The following ZNF783 variants were observed in gnomAD, a reference collection of about 807,000 sequenced individuals.
ZNF783 encodes the protein protein ZNF783.
ZNF783 carries 25 observed loss-of-function variants against 31.3 expected under a neutral mutation model. The observed-to-expected ratio is 0.80, with a 90% CI of 0.58 to 1.11. The LOEUF is 1.11. ZNF783 is among the 50% of genes most tolerant of loss of function. The pLI is 0.00. For synonymous variants in ZNF783, 369 were observed against 319.1 expected (o/e 1.16, Z -1.66); for missense variants, 797 against 760.0 (o/e 1.05, Z -0.57).
intron 1 of ZNF783, among the ~76,000 whole-genome samples, chr7:149,263,304 GTATATATATA>G (rs59725451): frequency 1.6e-5 from 1 of 64,292 alleles, no homozygotes; most frequent in African/African-American, 6.3e-5. Flanking sequence ...GTGTGTGTGT[GTATATATATA>G]TATATATATA....
Position 149,262,280 on chromosome 7 carries a change from G to A in ZNF783, c.-54G>A, listed in dbSNP as rs944999799. On this transcript the variant is annotated 5_prime_UTR_variant, in exon 1 of 6. Transcript: ENST00000434415. Reference sequence around the variant, plus strand: ...TCCGCCGTCGCTGCCGCGCCGCCCCGGGCCCGACAGGCCGGGTCCAGGGAC... The same window carrying A: ...TCCGCCGTCGCTGCCGCGCCGCCCCAGGCCCGACAGGCCGGGTCCAGGGAC... The A allele has an allele frequency of 3.0e-6, 4 of 1,331,320 alleles. No homozygotes were observed. The highest frequency in any genetic ancestry group is 3.5e-5 in the Admixed American group (1 of 28,934). The allele number at this position is 1,331,320 out of a possible 1,614,324, so 82.5% of individuals were successfully genotyped here. A position where few individuals can be genotyped will look rare whatever the true frequency, so the allele number is the denominator to read the frequency against.
At chr7:149,276,585 G>T (rs964885865) in intron 4 of ZNF783, 1 of 985,386 alleles carries the variant, frequency 1.0e-6, no homozygotes, top group Non-Finnish European at 1.2e-6. Flanking sequence ...CTTCTAGCTG[G>T]TTTTACCTCT....
intron 5 of ZNF783, 45 bp from the exon 6 acceptor site, chr7:149,281,460 G>C (rs1197508438): frequency 7.1e-7 from 1 of 1,415,736 alleles, no homozygotes; most frequent in Non-Finnish European, 9.2e-7. Context: ...CTGGGGGACA[G>C]GGTGGTGAGG....
chr7:149,270,100 T>G (rs1797176009), intron 4 of ZNF783, among the ~76,000 whole-genome samples: 1 of 152,224 alleles, frequency 6.6e-6, no homozygotes, highest in Admixed American at 6.5e-5. Flanking sequence ...TTCCAAGTGT[T>G]TGCTATTGTG....
At chr7:149,264,665 G>T (rs1477713709) in intron 1 of ZNF783, among the ~76,000 whole-genome samples, 1 of 152,138 alleles carries the variant, frequency 6.6e-6, no homozygotes, top group Non-Finnish European at 1.5e-5. Context: ...ACAAGGTCAG[G>T]AGTTTGAGAC....
chr7:149,264,372 C>G (rs1286003997), intron 1 of ZNF783, among the ~76,000 whole-genome samples: 1 of 152,082 alleles, frequency 6.6e-6, no homozygotes, highest in Admixed American at 6.6e-5. Flanking sequence ...ATATTGAGAG[C>G]TGATGTGAAG....
Position 149,266,323 on chromosome 7 carries a change from T to C in ZNF783, c.25-12T>C. ...TTCTCATAACATCTCTCTTTTCTCT[T>C]CTTGTGAGCAGGACCCCGAGACAGA... On this transcript the variant is annotated splice_polypyrimidine_tract_variant and intron_variant, in intron 1 of 5. Transcript: ENST00000434415. The C allele has an allele frequency of 6.5e-7, 1 of 1,540,526 alleles. No homozygotes were observed. Among genetic ancestry groups the C allele is most frequent in the Non-Finnish European group, 8.7e-7 (1 of 1,153,722 alleles).
chr7:149,274,547 G>T (rs908114920), intron 4 of ZNF783, among the ~76,000 whole-genome samples: 1 of 152,090 alleles, frequency 6.6e-6, no homozygotes, highest in Non-Finnish European at 1.5e-5. Context: ...TGTATTTTTA[G>T]TAGAGACGGA....
chr7:149,264,133 T>C (rs1042844603), intron 1 of ZNF783, among the ~76,000 whole-genome samples: 2 of 152,194 alleles, frequency 1.3e-5, no homozygotes, highest in African/African-American at 4.8e-5. Flanking sequence ...TGTTGTTGTT[T>C]ATAAGTATTC....
At chr7:149,278,566 C>A in intron 5 of ZNF783, 39 bp downstream of exon 5, 1 of 1,597,826 alleles carries the variant, frequency 6.3e-7, no homozygotes, top group Non-Finnish European at 8.5e-7. Flanking sequence ...GAACAGTGTC[C>A]CGAGGCAGCA....
intron 5 of ZNF783, among the ~76,000 whole-genome samples, chr7:149,280,373 G>A (rs1447947828): frequency 6.6e-6 from 1 of 152,122 alleles, no homozygotes; most frequent in Non-Finnish European, 1.5e-5. Flanking sequence ...AGGCACCTGT[G>A]GCCGCAGCAG....
In ZNF783 at chr7:149,282,158, C is replaced by T. The variant is rs993417568; in HGVS notation, c.1456C>T (p.Arg486Cys). Residue 486 changes from arginine to cysteine, a missense_variant, in exon 6 of 6, where the codon CGC (arginine) becomes TGC (cysteine). By Grantham distance (180) the Arg-to-Cys change is radical (BLOSUM62 -3). Coordinates refer to ENST00000434415, the MANE Select transcript of ZNF783 (RefSeq NM_001195220.2). ...GCCCTCGGACCTCTTCCGGCACCAG[C>T]GCATCCACACCGGTGAGCGGCCCTA... ...RRPSDLFRHQ[R>C]IHTGERPYQC... The T allele has an allele frequency of 3.1e-6, 5 of 1,600,904 alleles. No individual in the cohort carries two copies. The highest frequency in any genetic ancestry group is 1.7e-5 in the Admixed American group (1 of 59,988).
intron 1 of ZNF783, among the ~76,000 whole-genome samples, chr7:149,264,925 C>T (rs1313317914): frequency 5.5e-5 from 7 of 127,540 alleles, no homozygotes; most frequent in Admixed American, 3.6e-4. Flanking sequence ...AGTGTATTGT[C>T]GGGGAGAAGC....
intron 4 of ZNF783, chr7:149,278,158 G>C (rs1797376569): frequency 7.8e-7 from 1 of 1,283,108 alleles, no homozygotes; most frequent in East Asian, 3.6e-5. Flanking sequence ...CCTGCCTGGC[G>C]ATCATTACCG....
chr7:149,272,885 C>T (rs1289676394), intron 4 of ZNF783, among the ~76,000 whole-genome samples: 2 of 151,678 alleles, frequency 1.3e-5, no homozygotes, highest in East Asian at 1.9e-4. Context: ...TACTTCCCCC[C>T]TCGCACCTTC....
Position 149,281,889 on chromosome 7 carries a change from C to G in ZNF783, c.1187C>G (p.Pro396Arg), listed in dbSNP as rs760800047. Residue 396 changes from proline (P) to arginine (R), a missense_variant, in exon 6 of 6, where the codon CCG becomes CGG. Transcript: ENST00000434415. ...GGGGACAGCCAGGCCATGCTGGAGCCGGGGGAGGTGGTGGTACCCGGCCCT... is the reference window on the plus strand; with the variant it reads ...GGGGACAGCCAGGCCATGCTGGAGCGGGGGGAGGTGGTGGTACCCGGCCCT... ...SCGDSQAMLE[P>R]GEVVVPGPVI... 1.3e-4 allele frequency: 197 copies of G among 1,511,326 alleles called. No individual in the cohort carries two copies. Among genetic ancestry groups the G allele is most frequent in the Non-Finnish European group, 1.7e-4 (191 of 1,136,150 alleles). The allele number at this position is 1,511,326 out of a possible 1,614,324, so 93.6% of individuals were successfully genotyped here.
chr7:149,278,200 AG>A, intron 4 of ZNF783, 198 bp from the exon 5 acceptor site: 1 of 1,376,646 alleles, frequency 7.3e-7, no homozygotes, highest in Non-Finnish European at 9.4e-7. Context: ...CCTGTGCTGC[AG>A]TTTCCTTCTG....
At chr7:149,264,426 G>A (rs1012111118) in intron 1 of ZNF783, among the ~76,000 whole-genome samples, 1 of 152,196 alleles carries the variant, frequency 6.6e-6, no homozygotes, top group Non-Finnish European at 1.5e-5. Flanking sequence ...CAGGAGGCTG[G>A]CATGGCTGGA....
chr7:149,272,198 A>G (rs1336193375), intron 4 of ZNF783, among the ~76,000 whole-genome samples: 1 of 152,086 alleles, frequency 6.6e-6, no homozygotes, highest in Non-Finnish European at 1.5e-5. Context: ...TCGTATTAGC[A>G]GAGACGGGGT....
Sources: allele counts gnomAD v4.1 joint callset (sites outside exome capture counted in the v4.1 genomes callset), GRCh38; gene constraint gnomAD v4.1.1; transcripts MANE v1.5; gene names NCBI Gene and HGNC (gene_info 2026-07-23, HGNC 2026-07-21).